EPAS1: variants seen among roughly 807,000 people sequenced by gnomAD.
EPAS1 encodes the protein endothelial PAS domain protein 1, also known as endothelial PAS domain-containing protein 1.
EPAS1 carries 23 observed loss-of-function variants against 87.9 expected under a neutral mutation model. The ratio of observed to expected loss-of-function variants is 0.26; its 90% CI spans 0.19 to 0.37. The LOEUF (loss-of-function observed/expected upper bound fraction) is 0.37, where lower values mean the gene tolerates loss of function less well. EPAS1 is among the 10% of genes least tolerant of loss of function. The pLI is 1.00. For synonymous variants in EPAS1, 508 were observed against 444.3 expected (o/e 1.14, Z -1.80); for missense variants, 1,138 against 1,120.7 (o/e 1.02, Z -0.22).
chr2:46,308,651 A>G (rs970052759), intron 1 of EPAS1, among the ~76,000 whole-genome samples: 6 of 152,344 alleles, frequency 3.9e-5, no homozygotes, highest in South Asian at 4.1e-4. Context: ...GGGGGACCAC[A>G]GTCAGGTCTT....
At chr2:46,328,017 G>A (rs765426790) in intron 1 of EPAS1, among the ~76,000 whole-genome samples, 10 of 152,194 alleles carry the variant, frequency 6.6e-5, no homozygotes, top group Non-Finnish European at 1.2e-4. Flanking sequence ...CTGAACTTAG[G>A]TTTTGAGAAA....
In EPAS1 at chr2:46,356,630, C is replaced by T. The variant is rs182981202; in HGVS notation, c.370-94C>T. On this transcript the variant is annotated intron_variant, in intron 3 of 15. Transcript: ENST00000263734. ...TGAGAAAACCCAATTCAGTCTCCTC[C>T]CTGCCTCCAAATCTGGAAGGTGGCT... 4.7e-5 allele frequency: 47 copies of T among 1,002,910 alleles called. No homozygotes were observed. In the East Asian group the frequency reaches 1.0e-3, roughly 22 times the overall value. 62.1% of individuals were successfully genotyped at this position (1,002,910 alleles called of 1,614,324 possible). A position where few individuals can be genotyped will look rare whatever the true frequency, so the allele number is the denominator to read the frequency against.
rs1459234137 is a variant in EPAS1 at position 46,376,546 on chromosome 2, GAGA to G, written c.1047_1049del (p.Lys349del). Reference sequence around the variant, plus strand: ...CTCTTTCCCCCCCATTAGTGAGATTGAGAAGAATGACGTGGTGTTCTCCATGGA... The same window carrying G: ...CTCTTTCCCCCCCATTAGTGAGATTGAGAATGACGTGGTGTTCTCCATGGA... On this transcript the variant is annotated inframe_deletion, in exon 9 of 16. Coordinates refer to ENST00000263734, the MANE Select transcript of EPAS1 (RefSeq NM_001430.5). 6.2e-7 allele frequency: 1 copy of G among 1,613,938 alleles called. No homozygotes were observed. The highest frequency in any genetic ancestry group is 8.5e-7 in the Non-Finnish European group (1 of 1,179,982).
intron 1 of EPAS1, among the ~76,000 whole-genome samples, chr2:46,303,238 T>C (rs1157141382): frequency 1.3e-5 from 2 of 152,140 alleles, no homozygotes; most frequent in Non-Finnish European, 2.9e-5. Flanking sequence ...AAGAGTATTA[T>C]GTGTATTTAG....
At chr2:46,374,332 C>T (rs868248078) in intron 7 of EPAS1, among the ~76,000 whole-genome samples, 4 of 152,090 alleles carry the variant, frequency 2.6e-5, no homozygotes, top group African/African-American at 9.7e-5. Context: ...TATCTACCAA[C>T]GTGTAACAGA....
chr2:46,368,494 G>T (rs1374511633), intron 6 of EPAS1, among the ~76,000 whole-genome samples: 1 of 152,162 alleles, frequency 6.6e-6, no homozygotes, highest in African/African-American at 2.4e-5. Context: ...GGTGTGGTTG[G>T]CAAAAGTGAA....
At chr2:46,366,972 A>G (rs1391549016) in intron 6 of EPAS1, among the ~76,000 whole-genome samples, 1 of 152,252 alleles carries the variant, frequency 6.6e-6, no homozygotes, top group East Asian at 1.9e-4. Flanking sequence ...TGACAACTCA[A>G]ATGTTCTTCA....
chr2:46,369,688 AT>A, intron 6 of EPAS1, 138 bp from the exon 7 acceptor site: 1 of 701,594 alleles, frequency 1.4e-6, no homozygotes, highest in Non-Finnish European at 2.6e-6. Context: ...GCTTGGATAC[AT>A]GGTACAACAA....
chr2:46,326,433 G>A (rs192406082), intron 1 of EPAS1, among the ~76,000 whole-genome samples: 63 of 152,264 alleles, frequency 4.1e-4, no homozygotes, highest in African/African-American at 1.4e-3. Context: ...CTGCCTGGGG[G>A]ATGAGCCTCC....
chr2:46,327,888 G>A (rs1167867956), intron 1 of EPAS1, among the ~76,000 whole-genome samples: 1 of 152,154 alleles, frequency 6.6e-6, no homozygotes, highest in Non-Finnish European at 1.5e-5. Context: ...CAAGTCTTTG[G>A]GAAGAGCTTA....
chr2:46,351,278 T>A (rs1684139472), intron 2 of EPAS1, among the ~76,000 whole-genome samples: 1 of 152,332 alleles, frequency 6.6e-6, no homozygotes, highest in South Asian at 2.1e-4. Context: ...AACAGGTGTT[T>A]GCTGAACCCA....
At chr2:46,363,783 A>T (rs919902712) in intron 6 of EPAS1, among the ~76,000 whole-genome samples, 2 of 152,206 alleles carry the variant, frequency 1.3e-5, no homozygotes, top group Non-Finnish European at 1.5e-5. Context: ...TTTTCAGCAA[A>T]ATCTTGCCTT....
chr2:46,378,346 G>A (rs772172361), intron 10 of EPAS1, among the ~76,000 whole-genome samples: 2 of 152,210 alleles, frequency 1.3e-5, no homozygotes, highest in Non-Finnish European at 2.9e-5. Flanking sequence ...GTAACATCCC[G>A]TATGTGGCAC....
Position 46,375,546 on chromosome 2 carries a change from C to G in EPAS1, c.887-144C>G, listed in dbSNP as rs553131809. The G allele has an allele frequency of 3.2e-6, 3 of 952,146 alleles. No individual in the cohort carries two copies. Among genetic ancestry groups the G allele is most frequent in the Non-Finnish European group, 4.9e-6 (3 of 614,198 alleles). 59.0% of individuals were successfully genotyped at this position (952,146 alleles called of 1,614,324 possible). ...GTGATCCCTAAGCTCCCTCCCAGGTCACTCTCCCTGGTCCTCACTGTCGTG... is the reference window on the plus strand; with the variant it reads ...GTGATCCCTAAGCTCCCTCCCAGGTGACTCTCCCTGGTCCTCACTGTCGTG... On this transcript the variant is annotated intron_variant, in intron 7 of 15. Coordinates refer to ENST00000263734, the MANE Select transcript of EPAS1 (RefSeq NM_001430.5). The surrounding 1 kb of genome is among the most constrained non-coding windows in gnomAD (Gnocchi z 4.1).
chr2:46,347,033 T>G lies in EPAS1; in HGVS notation c.187T>G (p.Phe63Val). The G allele has an allele frequency of 6.2e-7, 1 of 1,614,184 alleles. No homozygotes were observed. The highest frequency in any genetic ancestry group is 8.5e-7 in the Non-Finnish European group (1 of 1,180,024). ...KASIMRLAIS[F>V]LRTHKLLSSV... ...CTCCATCATGCGACTGGCAATCAGC[T>G]TCCTGCGAACACACAAGCTCCTCTC... is the stretch of plus-strand genomic sequence containing the variant. The change falls in exon 2 of 16, where the codon TTC becomes GTC. Residue 63 changes from phenylalanine (F) to valine (V), a missense_variant. Phe to Val is a conservative substitution (Grantham distance 50, BLOSUM62 -1). Around this residue, in one of 4 missense-constraint regions of EPAS1, gnomAD observed 351 missense variants for 417.1 expected, o/e 0.84. Transcript: ENST00000263734. This position sits in a 1 kb window ranked among gnomAD's most constrained non-coding sequence, Gnocchi z 4.2.
intron 6 of EPAS1, among the ~76,000 whole-genome samples, chr2:46,363,068 T>C (rs1052700646): frequency 6.6e-6 from 1 of 152,024 alleles, no homozygotes; most frequent in African/African-American, 2.4e-5. Context: ...TGACAGGCAC[T>C]GCAGGAATCC....
chr2:46,362,715 C>T (rs779485495), intron 6 of EPAS1, among the ~76,000 whole-genome samples: 3 of 152,144 alleles, frequency 2.0e-5, no homozygotes, highest in African/African-American at 7.2e-5. Flanking sequence ...GTTGGTTGGT[C>T]GCCCCTTCTT....
chr2:46,338,274 G>C (rs760087978), intron 1 of EPAS1, among the ~76,000 whole-genome samples: 2 of 152,202 alleles, frequency 1.3e-5, no homozygotes, highest in African/African-American at 4.8e-5. Context: ...ATTGATTCAG[G>C]ATTAAACAGA....
At chr2:46,368,595 G>T (rs578109633) in intron 6 of EPAS1, among the ~76,000 whole-genome samples, 1 of 152,218 alleles carries the variant, frequency 6.6e-6, no homozygotes, top group South Asian at 2.1e-4. Flanking sequence ...TGACCTGTTT[G>T]GGGGGTGGGT....
Sources: gnomAD v4.1 joint callset for allele counts (sites outside exome capture counted in the v4.1 genomes callset) on GRCh38, gnomAD v4.1.1 for gene constraint, gnomAD v4.1.1 regional missense constraint, Gnocchi (gnomAD v3.1) non-coding constraint, MANE v1.5 for transcripts, NCBI Gene and HGNC (gene_info 2026-07-23, HGNC 2026-07-21) for gene names.